The following HOOK3 variants were observed in gnomAD, a reference collection of about 807,000 sequenced individuals.
HOOK3 encodes the protein hook microtubule tethering protein 3.
Under a neutral mutation model 116.3 loss-of-function variants are expected in HOOK3, and 24 were observed. The observed-to-expected ratio is 0.21, with a 90% CI of 0.15 to 0.29. The LOEUF is 0.29. Ranked by LOEUF, HOOK3 falls within the 10% of genes least tolerant of loss-of-function variation. HOOK3 has a pLI of 1.00. For missense variants in HOOK3, 632 were observed against 830.2 expected, an observed-to-expected ratio of 0.76 and a Z score of 2.93; for synonymous variants, 275 against 283.0, an observed-to-expected ratio of 0.97 and a Z score of 0.28.
At chr8:42,976,193 G>A (rs1225901546) in intron 13 of HOOK3, among the ~76,000 whole-genome samples, 1 of 152,090 alleles carries the variant, frequency 6.6e-6, no homozygotes, top group East Asian at 1.9e-4. Context: ...CAGGTTAGGG[G>A]CTGTCAGTGT....
intron 3 of HOOK3, among the ~76,000 whole-genome samples, chr8:42,929,427 A>C (rs954818643): frequency 6.6e-6 from 1 of 152,224 alleles, no homozygotes; most frequent in East Asian, 1.9e-4. Context: ...GACACCACCC[A>C]GGGACAGCTA....
intron 13 of HOOK3, among the ~76,000 whole-genome samples, chr8:42,982,266 A>G (rs1011896211): frequency 2.1e-5 from 3 of 141,664 alleles, no homozygotes; most frequent in East Asian, 3.9e-4. Flanking sequence ...AAAAAAAAAA[A>G]AAAAGAAAAA....
intron 1 of HOOK3, among the ~76,000 whole-genome samples, chr8:42,900,082 T>A (rs1754390184): frequency 6.6e-6 from 1 of 152,198 alleles, no homozygotes; most frequent in Non-Finnish European, 1.5e-5. Flanking sequence ...ATTGCCCTTT[T>A]ATCAGACAGC....
rs748606715 is a variant in HOOK3, at chr8:42,997,610, A to G, written c.1593A>G (p.Leu531=). Residue 531 remains leucine (L), a synonymous_variant, in exon 16 of 22, where the codon TTA becomes TTG. Transcript: ENST00000307602. ...QSQVEELQKS[L]QDQGSKAEDS... ...AAGTTGAAGAATTACAAAAATCTTTACAGGATCAAGGCTCAAAAGCAGAAG... is the reference window on the plus strand; with the variant it reads ...AAGTTGAAGAATTACAAAAATCTTTGCAGGATCAAGGCTCAAAAGCAGAAG... 1 of 1,608,060 alleles carries G rather than the reference A, an allele frequency of 6.2e-7. No individual in the cohort carries two copies. Among genetic ancestry groups the G allele is most frequent in the East Asian group, 2.2e-5 (1 of 44,752 alleles).
chr8:42,937,762 TATG>T (rs1236423034), intron 4 of HOOK3, among the ~76,000 whole-genome samples: 6 of 152,210 alleles, frequency 3.9e-5, no homozygotes, highest in African/African-American at 1.4e-4. Context: ...AACTGTTTGT[TATG>T]ATTTCTGTTC....
chr8:43,017,457 T>G (rs1040266735), intron 21 of HOOK3, among the ~76,000 whole-genome samples: 1 of 151,560 alleles, frequency 6.6e-6, no homozygotes, highest in Non-Finnish European at 1.5e-5. Flanking sequence ...AGAGAGGGGG[T>G]TTCTTGTTAT....
chr8:42,901,721 C>T lies in HOOK3; in HGVS notation c.58-4452C>T, dbSNP rs1807193296. Among the ~76,000 whole-genome samples the T allele has an allele frequency of 1.3e-5, 2 of 152,090 alleles. 1 individual carries two copies. The highest frequency in any genetic ancestry group is 4.1e-4 in the South Asian group (2 of 4,828). On this transcript the variant is annotated intron_variant, in intron 1 of 21. Coordinates refer to ENST00000307602, the MANE Select transcript of HOOK3 (RefSeq NM_032410.4). ...CCCAAGAGAAAAAAACAAATCAAGTCTTTTTTTGGAGGTGGAGTCTTGCTC... is the reference window on the plus strand; with the variant it reads ...CCCAAGAGAAAAAAACAAATCAAGTTTTTTTTTGGAGGTGGAGTCTTGCTC...
intron 3 of HOOK3, among the ~76,000 whole-genome samples, chr8:42,927,421 T>C (rs1172794324): frequency 6.6e-6 from 1 of 151,996 alleles, no homozygotes; most frequent in Non-Finnish European, 1.5e-5. Context: ...GATGCCTGGC[T>C]AATTTTTGTA....
intron 2 of HOOK3, among the ~76,000 whole-genome samples, chr8:42,907,457 T>C (rs1038176277): frequency 1.3e-5 from 2 of 152,156 alleles, no homozygotes; most frequent in African/African-American, 4.8e-5. Flanking sequence ...TCAAGAAGGC[T>C]CATTGGGAAC....
intron 4 of HOOK3, among the ~76,000 whole-genome samples, chr8:42,935,195 G>A (rs182111788): frequency 6.6e-6 from 1 of 151,924 alleles, no homozygotes; most frequent in East Asian, 1.9e-4. Context: ...GTCTTCTTTC[G>A]AGAAGTGTCT....
Position 42,927,177 on chromosome 8 carries a change from T to G in HOOK3, c.216+1548T>G, listed in dbSNP as rs148670391. ...AAAGTATTTATTTGTTGCTTAAGTA[T>G]TGGGTTTGCCAAAATCTAATTCCTT... On this transcript the variant is annotated intron_variant, in intron 3 of 21. Coordinates refer to ENST00000307602, the MANE Select transcript of HOOK3 (RefSeq NM_032410.4). Among the ~76,000 whole-genome samples, 151 of 152,134 alleles carry G rather than the reference T, an allele frequency of 9.9e-4. 2 individuals carry two copies. The highest frequency in any genetic ancestry group is 1.7e-3 in the Non-Finnish European group (115 of 68,002).
At chr8:43,014,163 G>A (rs948800129) in intron 21 of HOOK3, among the ~76,000 whole-genome samples, 14 of 151,272 alleles carry the variant, frequency 9.3e-5, no homozygotes, top group Non-Finnish European at 1.0e-4. Context: ...GCACATGCTT[G>A]TAATCCCAGC....
Position 42,943,302 on chromosome 8 carries a change from T to C in HOOK3, c.268-11T>C. The C allele has an allele frequency of 6.9e-7, 1 of 1,447,936 alleles. No individual in the cohort carries two copies. The highest frequency in any genetic ancestry group is 9.2e-7 in the Non-Finnish European group (1 of 1,087,426). The allele number at this position is 1,447,936 out of a possible 1,614,324, so 89.7% of individuals were successfully genotyped here. A position where few individuals can be genotyped will look rare whatever the true frequency, so the allele number is the denominator to read the frequency against. On this transcript the variant is annotated splice_polypyrimidine_tract_variant and intron_variant, in intron 4 of 21. Coordinates refer to ENST00000307602, the MANE Select transcript of HOOK3 (RefSeq NM_032410.4). ...TGTAAATGCAATTATAATCCTTTTA[T>C]CTCCATTCAGATTTTAGGACAGCAA... is the stretch of plus-strand genomic sequence containing the variant.
At chr8:42,926,341 A>G (rs1310301400) in intron 3 of HOOK3, among the ~76,000 whole-genome samples, 2 of 152,212 alleles carry the variant, frequency 1.3e-5, no homozygotes, top group Non-Finnish European at 2.9e-5. Context: ...GCTGGAAAGC[A>G]GTGGTGCAAT....
chr8:42,969,105 A>T (rs1808683060), intron 11 of HOOK3, among the ~76,000 whole-genome samples: 1 of 152,122 alleles, frequency 6.6e-6, no homozygotes, highest in Admixed American at 6.5e-5. Context: ...GACCTACAGG[A>T]TGTTTCAGCT....
intron 8 of HOOK3, among the ~76,000 whole-genome samples, chr8:42,963,017 G>A (rs2130418728): frequency 6.6e-6 from 1 of 151,998 alleles, no homozygotes; most frequent in East Asian, 1.9e-4. Context: ...GGCCAGGCTG[G>A]TCTCGAACTC....
intron 2 of HOOK3, among the ~76,000 whole-genome samples, chr8:42,918,232 G>A (rs1325457578): frequency 2.6e-5 from 4 of 152,084 alleles, no homozygotes; most frequent in African/African-American, 9.7e-5. Context: ...CAGCTACTAG[G>A]GAGGCTGAGG....
At chr8:42,939,592 C>CCGGA (rs1245782408) in intron 4 of HOOK3, among the ~76,000 whole-genome samples, 8 of 145,318 alleles carry the variant, frequency 5.5e-5, no homozygotes, top group Non-Finnish European at 1.1e-4. Context: ...CACCTCCCTC[C>CCGGA]CGGACGGGCT....
intron 2 of HOOK3, among the ~76,000 whole-genome samples, chr8:42,909,262 T>C (rs1379402402): frequency 1.3e-5 from 2 of 152,168 alleles, no homozygotes; most frequent in African/African-American, 4.8e-5. Context: ...AAAATAGAAT[T>C]ACCATATGAT....
Sources: allele counts gnomAD v4.1 joint callset (sites outside exome capture counted in the v4.1 genomes callset), GRCh38; gene constraint gnomAD v4.1.1; transcripts MANE v1.5; gene names NCBI Gene and HGNC (gene_info 2026-07-23, HGNC 2026-07-21).